The following FLACC1 variants were observed in gnomAD, a reference collection of about 807,000 sequenced individuals.
The protein encoded by FLACC1 is flagellum-associated coiled-coil domain-containing protein 1.
In FLACC1, 66 loss-of-function variants were observed where a neutral mutation model predicts 62.8. That is an observed-to-expected ratio of 1.05 (90% CI 0.86 to 1.29). FLACC1 has a LOEUF of 1.29. Ranked by LOEUF, FLACC1 falls within the 50% of genes most tolerant of loss-of-function variation. The pLI is 0.00. For synonymous variants in FLACC1, 156 were observed against 161.0 expected (o/e 0.97, Z 0.24); for missense variants, 452 against 489.1 (o/e 0.92, Z 0.71).
intron 7 of FLACC1, among the ~76,000 whole-genome samples, chr2:201,332,628 T>G (rs991159055): frequency 1.3e-5 from 2 of 152,146 alleles, no homozygotes; most frequent in African/African-American, 2.4e-5. Flanking sequence ...TAACTATATT[T>G]ACTACTCTGT....
chr2:201,330,533 G>C lies in FLACC1; in HGVS notation c.623-11C>G. ...CTTTTCCCATCTCCTCTGGATAAAAGGAAAACAACAGGATCATCATTAGTC... is the reference window on the plus strand; with the variant it reads ...CTTTTCCCATCTCCTCTGGATAAAACGAAAACAACAGGATCATCATTAGTC... On this transcript the variant is annotated splice_polypyrimidine_tract_variant and intron_variant, in intron 8 of 14. Transcript: ENST00000392257. The C allele has an allele frequency of 6.2e-7, 1 of 1,612,806 alleles. No individual in the cohort carries two copies. The highest frequency in any genetic ancestry group is 8.5e-7 in the Non-Finnish European group (1 of 1,179,392).
chr2:201,333,592 C>T (rs1363049722), intron 7 of FLACC1, among the ~76,000 whole-genome samples: 1 of 136,120 alleles, frequency 7.3e-6, no homozygotes, highest in African/African-American at 2.8e-5. Context: ...GTGTGATGTT[C>T]CCCTTCCTGT....
At chr2:201,354,733 G>A (rs1006878237) in intron 1 of FLACC1, among the ~76,000 whole-genome samples, 1 of 152,220 alleles carries the variant, frequency 6.6e-6, no homozygotes, top group African/African-American at 2.4e-5. Flanking sequence ...CTGTACGAAA[G>A]GAGCCAACCC....
intron 12 of FLACC1, among the ~76,000 whole-genome samples, chr2:201,291,489 C>T (rs1487906282): frequency 6.6e-6 from 1 of 152,192 alleles, no homozygotes; most frequent in African/African-American, 2.4e-5. Context: ...GGAAAACTAA[C>T]AAACAGAAAG....
intron 11 of FLACC1, among the ~76,000 whole-genome samples, chr2:201,305,885 G>T (rs1950092511): frequency 2.0e-5 from 3 of 150,962 alleles, no homozygotes; most frequent in Admixed American, 2.0e-4. Flanking sequence ...AATGAACAAT[G>T]AGAACACTTG....
intron 1 of FLACC1, among the ~76,000 whole-genome samples, chr2:201,355,364 G>A (rs1403348941): frequency 5.3e-5 from 8 of 152,118 alleles, no homozygotes; most frequent in Middle Eastern, 3.2e-3. Flanking sequence ...TGTTGTAATC[G>A]TCATTACCAT....
intron 7 of FLACC1, among the ~76,000 whole-genome samples, chr2:201,338,177 T>C (rs1363642844): frequency 2.0e-5 from 3 of 152,256 alleles, no homozygotes; most frequent in Non-Finnish European, 2.9e-5. Context: ...GTAAATGTTA[T>C]TGCCTTATTG....
At chr2:201,332,156 G>T (rs1009579378) in intron 7 of FLACC1, among the ~76,000 whole-genome samples, 1 of 151,756 alleles carries the variant, frequency 6.6e-6, no homozygotes, top group Non-Finnish European at 1.5e-5. Flanking sequence ...ATATATTTAT[G>T]GGGTAAAAAG....
At chr2:201,302,856 GA>G (rs1429053703) in intron 11 of FLACC1, among the ~76,000 whole-genome samples, 1 of 152,180 alleles carries the variant, frequency 6.6e-6, no homozygotes, top group African/African-American at 2.4e-5. Context: ...AATGAAGGCA[GA>G]AATAAAGATG....
chr2:201,293,965 A>T (rs982538563), intron 12 of FLACC1, among the ~76,000 whole-genome samples: 9 of 152,318 alleles, frequency 5.9e-5, no homozygotes, highest in Admixed American at 3.3e-4. Context: ...TCCCAAGACT[A>T]AACCAGGAAG....
chr2:201,318,248 G>A (rs933927810), intron 9 of FLACC1, among the ~76,000 whole-genome samples: 21 of 152,100 alleles, frequency 1.4e-4, no homozygotes, highest in African/African-American at 5.1e-4. Context: ...AAATGGCTGG[G>A]ACTTAATTAA....
At chr2:201,322,039 C>T (rs1011737767) in intron 9 of FLACC1, among the ~76,000 whole-genome samples, 116 of 152,138 alleles carry the variant, frequency 7.6e-4, no homozygotes, top group African/African-American at 2.7e-3. Context: ...GAGGCTGAGG[C>T]GGGTGGATCA....
chr2:201,337,269 G>A (rs1950714381), intron 7 of FLACC1, among the ~76,000 whole-genome samples: 2 of 152,174 alleles, frequency 1.3e-5, no homozygotes, highest in African/African-American at 4.8e-5. Flanking sequence ...TATAGCTTTG[G>A]ATCTTACATT....
In FLACC1 at chr2:201,289,577, T is replaced by C. The variant is rs780194249; in HGVS notation, c.1033-11A>G. The C allele has an allele frequency of 1.2e-5, 20 of 1,613,768 alleles. No individual in the cohort carries two copies. The East Asian group carries it at 1.8e-4, about 14-fold the overall frequency. On this transcript the variant is annotated splice_polypyrimidine_tract_variant and intron_variant, in intron 13 of 14. Coordinates refer to ENST00000392257, the MANE Select transcript of FLACC1 (RefSeq NM_001127391.3). ...TCCCACTATAGCTTTCTGAAAGACATACATTTTAATAGCCATCTTCCCCAA... is the reference window on the plus strand; with the variant it reads ...TCCCACTATAGCTTTCTGAAAGACACACATTTTAATAGCCATCTTCCCCAA...
chr2:201,357,367 G>A (rs1951137454), upstream of FLACC1: 1 of 152,208 alleles, frequency 6.6e-6, no homozygotes, highest in African/African-American at 2.4e-5. Flanking sequence ...CTTGGGAGAT[G>A]GCAGGCCAAA....
At chr2:201,307,411 A>T (rs1950127680) in intron 11 of FLACC1, 108 bp downstream of exon 11, 1 of 797,162 alleles carries the variant, frequency 1.3e-6, no homozygotes, top group Non-Finnish European at 2.1e-6. Flanking sequence ...GAGGAGGATT[A>T]TGCCCAGAAA....
chr2:201,329,255 C>T (rs766956892), intron 9 of FLACC1, among the ~76,000 whole-genome samples: 2 of 152,172 alleles, frequency 1.3e-5, no homozygotes, highest in Admixed American at 6.5e-5. Flanking sequence ...TACCAGCCCA[C>T]ACACATTAGA....
intron 12 of FLACC1, among the ~76,000 whole-genome samples, chr2:201,298,129 G>GTCCT (rs1346190592): frequency 1.3e-5 from 2 of 152,084 alleles, no homozygotes. Flanking sequence ...CACAAGGCTG[G>GTCCT]GAATAGTTCA....
At chr2:201,356,351 G>A (rs1366235378) in intron 1 of FLACC1, among the ~76,000 whole-genome samples, 1 of 152,070 alleles carries the variant, frequency 6.6e-6, no homozygotes, top group Non-Finnish European at 1.5e-5. Context: ...ATAACGATGG[G>A]GTTTCACCAT....
Sources: allele counts gnomAD v4.1 joint callset (sites outside exome capture counted in the v4.1 genomes callset), GRCh38; gene constraint gnomAD v4.1.1; transcripts MANE v1.5; gene names NCBI Gene and HGNC (gene_info 2026-07-23, HGNC 2026-07-21).